The following C3orf70 variants were observed in gnomAD, a reference collection of about 807,000 sequenced individuals.
C3orf70 encodes UPF0524 protein C3orf70.
In C3orf70, 15 loss-of-function variants were observed where a neutral mutation model predicts 20.7. The ratio of observed to expected loss-of-function variants is 0.72; its 90% CI spans 0.48 to 1.11. The LOEUF is 1.11. C3orf70 is among the 50% of genes most tolerant of loss of function. C3orf70 has a pLI of 0.00. For synonymous variants in C3orf70, 161 were observed against 125.7 expected (o/e 1.28, Z -1.88); for missense variants, 332 against 317.6 (o/e 1.05, Z -0.34).
At chr3:185,128,593 T>C (rs906598047) in intron 1 of C3orf70, among the ~76,000 whole-genome samples, 24 of 152,224 alleles carry the variant, frequency 1.6e-4, no homozygotes, top group African/African-American at 5.3e-4. Flanking sequence ...CTAACTCCTT[T>C]TCTGAAAATA....
At chr3:185,100,699 A>T (rs943327832) in intron 1 of C3orf70, among the ~76,000 whole-genome samples, 6 of 152,192 alleles carry the variant, frequency 3.9e-5, no homozygotes, top group African/African-American at 1.4e-4. Context: ...TCAGAGCTGA[A>T]CTAAAACAGC....
At chr3:185,108,770 G>A (rs2108595083) in intron 1 of C3orf70, among the ~76,000 whole-genome samples, 1 of 152,326 alleles carries the variant, frequency 6.6e-6, no homozygotes, top group East Asian at 1.9e-4. Flanking sequence ...CTCGAGGACT[G>A]GAACCTAACT....
intron 1 of C3orf70, among the ~76,000 whole-genome samples, chr3:185,126,757 G>T (rs1295341921): frequency 6.6e-6 from 1 of 152,120 alleles, no homozygotes; most frequent in African/African-American, 2.4e-5. Context: ...CTGGCCCCTT[G>T]TTCAAAACTT....
intron 1 of C3orf70, 58 bp from the exon 2 acceptor site, chr3:185,083,621 C>T: frequency 1.4e-6 from 2 of 1,423,930 alleles, no homozygotes; most frequent in East Asian, 2.3e-5. Context: ...ATTAACATGG[C>T]CATAATGGTT....
At position 185,081,414 on chromosome 3, in the gene C3orf70, C is replaced by CA. The variant is rs57974688; in HGVS notation, c.*1592dup. ...GGGCAGCAAGAGGGAAACTCCATCTCAAAAAAAAAAAAATTAATGTGACGT... is the reference window on the plus strand; with the variant it reads ...GGGCAGCAAGAGGGAAACTCCATCTCAAAAAAAAAAAAAATTAATGTGACGT... On this transcript the variant is annotated 3_prime_UTR_variant, in exon 2 of 2. Transcript: ENST00000335012. 0.13 allele frequency: 18,552 copies of CA among 140,392 alleles called. 1,139 individuals are homozygous for CA. The highest frequency in any genetic ancestry group is 0.14 in the African/African-American group (5,334 of 38,156). 8.7% of individuals were successfully genotyped at this position (140,392 alleles called of 1,614,324 possible). A position where few individuals can be genotyped will look rare whatever the true frequency, so the allele number is the denominator to read the frequency against.
At chr3:185,103,832 G>A (rs1436449144) in intron 1 of C3orf70, among the ~76,000 whole-genome samples, 1 of 152,184 alleles carries the variant, frequency 6.6e-6, no homozygotes, top group Non-Finnish European at 1.5e-5. Context: ...TGTTCTTTGT[G>A]TGATTAGTGG....
chr3:185,128,084 A>G (rs1716450156), intron 1 of C3orf70, among the ~76,000 whole-genome samples: 1 of 152,232 alleles, frequency 6.6e-6, no homozygotes, highest in Non-Finnish European at 1.5e-5. Context: ...ACATTAATTT[A>G]GTATGACAAA....
At position 185,080,155 on chromosome 3, in the gene C3orf70, G is replaced by A. The variant is rs1715300573; in HGVS notation, c.*2852C>T. 6.6e-6 allele frequency: 1 copy of A among 152,654 alleles called. No individual in the cohort carries two copies. Among genetic ancestry groups the A allele is most frequent in the African/African-American group, 2.4e-5 (1 of 41,464 alleles). The allele number at this position is 152,654 out of a possible 1,614,324, so 9.5% of individuals were successfully genotyped here. A position where few individuals can be genotyped will look rare whatever the true frequency, so the allele number is the denominator to read the frequency against. The stretch of plus-strand genomic sequence containing the variant: ...GAAAAGGTCATTTTGAGATCCAGGA[G>A]TGTCTGATGCTTAGAATCCAATGGA... On this transcript the variant is annotated 3_prime_UTR_variant, in exon 2 of 2. Transcript: ENST00000335012.
chr3:185,123,526 G>A (rs1363788697), intron 1 of C3orf70, among the ~76,000 whole-genome samples: 2 of 146,100 alleles, frequency 1.4e-5, no homozygotes, highest in Non-Finnish European at 3.0e-5. Flanking sequence ...TTTTTTAAGA[G>A]ATGAGGTCTC....
chr3:185,120,257 C>T (rs7619914), intron 1 of C3orf70, among the ~76,000 whole-genome samples: 143,070 of 152,204 alleles, frequency 0.94, 67,275 homozygotes, highest in Non-Finnish European at 0.95. Context: ...GGTCATTCAA[C>T]AAATATGTAC....
At chr3:185,097,836 A>G (rs1003699408) in intron 1 of C3orf70, among the ~76,000 whole-genome samples, 9 of 152,342 alleles carry the variant, frequency 5.9e-5, no homozygotes, top group Non-Finnish European at 1.3e-4. Context: ...TGTAAAACCT[A>G]AGACATTCGG....
Position 185,082,944 on chromosome 3 carries a change from T to A in C3orf70, c.*63A>T. 6.6e-7 allele frequency: 1 copy of A among 1,504,884 alleles called. No homozygotes were observed. Among genetic ancestry groups the A allele is most frequent in the Non-Finnish European group, 9.0e-7 (1 of 1,109,574 alleles). 93.2% of individuals were successfully genotyped at this position (1,504,884 alleles called of 1,614,324 possible). A position where few individuals can be genotyped will look rare whatever the true frequency, so the allele number is the denominator to read the frequency against. ...ATATCAACAGCATTGGAAAAAAGGA[T>A]CCACCAGACAAAGGTACAAAAGCTC... is the stretch of plus-strand genomic sequence containing the variant. On this transcript the variant is annotated 3_prime_UTR_variant, in exon 2 of 2. Transcript: ENST00000335012.
At chr3:185,104,302 A>T (rs1715881308) in intron 1 of C3orf70, among the ~76,000 whole-genome samples, 1 of 152,178 alleles carries the variant, frequency 6.6e-6, no homozygotes, top group Admixed American at 6.5e-5. Context: ...CAGAATGGCT[A>T]TTATTAAAAA....
chr3:185,109,858 G>A (rs150977307), intron 1 of C3orf70, among the ~76,000 whole-genome samples: 7,902 of 152,104 alleles, frequency 0.052, 666 homozygotes, highest in African/African-American at 0.18. Flanking sequence ...ATTGAACCTG[G>A]CCAGAAATAA....
intron 1 of C3orf70, among the ~76,000 whole-genome samples, chr3:185,115,318 A>C (rs1395435591): frequency 6.6e-6 from 1 of 152,178 alleles, no homozygotes; most frequent in Admixed American, 6.5e-5. Flanking sequence ...GATTAGACAC[A>C]ATAAAAGTAC....
rs775631354 is a variant in C3orf70 at position 185,152,668 on chromosome 3, G to A, written c.156C>T (p.Cys52=). 6.3e-7 allele frequency: 1 copy of A among 1,591,562 alleles called. No individual in the cohort carries two copies. Among genetic ancestry groups the A allele is most frequent in the Admixed American group, 1.7e-5 (1 of 58,322 alleles). The change falls in exon 1 of 2, where the codon TGC becomes TGT. Residue 52 remains cysteine, a synonymous_variant. Coordinates refer to ENST00000335012, the MANE Select transcript of C3orf70 (RefSeq NM_001025266.3). ...SICATHSHGK[C]FKLHWCCHLG... is the part of the protein sequence containing the mutation. ...GGTGACAGCACCAGTGCAGCTTGAA[G>A]CACTTGCCATGGCTGTGCGTGGCAC...
At chr3:185,105,620 G>C (rs1322147483) in intron 1 of C3orf70, among the ~76,000 whole-genome samples, 4 of 152,166 alleles carry the variant, frequency 2.6e-5, no homozygotes, top group African/African-American at 9.7e-5. Flanking sequence ...TGAGACCCCT[G>C]ATTTCCCACT....
chr3:185,100,435 C>G (rs1490854735), intron 1 of C3orf70, among the ~76,000 whole-genome samples: 1 of 152,066 alleles, frequency 6.6e-6, no homozygotes, highest in African/African-American at 2.4e-5. Context: ...ATAACCTGCT[C>G]CTGAGTGAAT....
rs562431015 is a variant in C3orf70, at chr3:185,115,083, A to G, written c.197-31520T>C. On this transcript the variant is annotated intron_variant, in intron 1 of 1. Transcript: ENST00000335012. ...TAAGGGGTATTTTACAAAATAATAA[A>G]TGCTCAGGTCCTACTTCCTCCCACC... is the stretch of plus-strand genomic sequence containing the variant. Among the ~76,000 whole-genome samples, 21 of 152,328 alleles carry G rather than the reference A, an allele frequency of 1.4e-4. No homozygotes were observed. In the South Asian group the frequency reaches 4.1e-3, roughly 30 times the overall value.
Sources: gnomAD v4.1 joint callset for allele counts (sites outside exome capture counted in the v4.1 genomes callset) on GRCh38, gnomAD v4.1.1 for gene constraint, MANE v1.5 for transcripts, NCBI Gene and HGNC (gene_info 2026-07-23, HGNC 2026-07-21) for gene names.